SERPINB6: variants seen among roughly 807,000 people sequenced by gnomAD.
SERPINB6 encodes the protein serpin family B member 6, also known as serpin B6.
In SERPINB6, 16 loss-of-function variants were observed where a neutral mutation model predicts 26.1. The ratio of observed to expected loss-of-function variants is 0.61; its 90% confidence interval spans 0.42 to 0.93. The LOEUF (loss-of-function observed/expected upper bound fraction) is 0.93, where lower values mean the gene tolerates loss of function less well. Among genes scored for constraint, SERPINB6 ranks in the 40% least tolerant of loss-of-function variants. The pLI, the probability that SERPINB6 is intolerant of heterozygous loss-of-function variation, is 0.00. For synonymous variants in SERPINB6, 174 were observed against 176.6 expected (o/e 0.99, Z 0.11); for missense variants, 420 against 478.0 (o/e 0.88, Z 1.13).
upstream of SERPINB6, chr6:2,971,644 C>T (rs1410950224): frequency 2.6e-5 from 4 of 152,140 alleles, no homozygotes; most frequent in African/African-American, 9.7e-5. Context: ...GCTACCGTCG[C>T]CCGTCCGGAG....
chr6:2,968,388 A>C, intron 1 of SERPINB6: 1 of 682,530 alleles, frequency 1.5e-6, no homozygotes, highest in Non-Finnish European at 1.8e-6. Flanking sequence ...TAACCTGCAC[A>C]ACAACCTGCG....
intron 1 of SERPINB6, chr6:2,968,666 ATTTTATTTAGGTCTCTCT>A: frequency 5.7e-6 from 7 of 1,227,870 alleles, no homozygotes; most frequent in Non-Finnish European, 7.1e-6. Flanking sequence ...TGTTTGCTTT[ATTTTATTTAGGTCTCTCT>A]TTTGTACCTA....
chr6:2,967,036 G>A lies in SERPINB6; in HGVS notation c.-11+4497C>T. Reference sequence around the variant, plus strand: ...TTTTCTGTCAAGTACAAAACTCTTAGACTGATATCATCTGGGACTTCTCAC... The same window carrying A: ...TTTTCTGTCAAGTACAAAACTCTTAAACTGATATCATCTGGGACTTCTCAC... On this transcript the variant is annotated intron_variant, in intron 1 of 6. Coordinates refer to ENST00000380539, the MANE Select transcript of SERPINB6 (RefSeq NM_004568.6). The surrounding 1 kb of genome is among the most constrained non-coding windows in gnomAD (Gnocchi z 4.3). 1 of 985,394 alleles carries A rather than the reference G, an allele frequency of 1.0e-6. No individual in the cohort carries two copies. The highest frequency in any genetic ancestry group is 1.2e-6 in the Non-Finnish European group (1 of 829,946). The allele number at this position is 985,394 out of a possible 1,614,324, so 61.0% of individuals were successfully genotyped here.
At chr6:2,969,190 A>G in intron 1 of SERPINB6, 1 of 988,172 alleles carries the variant, frequency 1.0e-6, no homozygotes, top group Non-Finnish European at 1.2e-6. Flanking sequence ...ATCTAGTGAG[A>G]TTTTTCTATC....
rs1362744366 is a variant in SERPINB6 at position 2,953,168 on chromosome 6, A to G, written c.449T>C (p.Leu150Pro). 6.2e-7 allele frequency: 1 copy of G among 1,614,194 alleles called. No homozygotes were observed. Residue 150 changes from leucine (L) to proline (P), a missense_variant, in exon 5 of 7, where the codon CTC (leucine) becomes CCC (proline). By Grantham distance (98) the Leu-to-Pro change is moderately conservative. Coordinates refer to ENST00000380539, the MANE Select transcript of SERPINB6 (RefSeq NM_004568.6). ...EKTEGKIAEL[L>P]SPGSVDPLTR... ...CAATGGATCCACTGAGCCCGGAGAG[A>G]GCAACTCCGCAATTTTACCTGAGCG...
At chr6:2,953,252 C>G in intron 4 of SERPINB6, 66 bp from the exon 5 acceptor site, 1 of 1,606,860 alleles carries the variant, frequency 6.2e-7, no homozygotes, top group South Asian at 1.1e-5. Flanking sequence ...CATCAGGAAT[C>G]GGCTGGGGCC....
At chr6:2,968,507 GA>G in intron 1 of SERPINB6, 1 of 1,127,230 alleles carries the variant, frequency 8.9e-7, no homozygotes, top group Non-Finnish European at 1.1e-6. Context: ...GTTCTCTTCT[GA>G]CCTTATTCCC....
chr6:2,969,894 T>A, intron 1 of SERPINB6: 1 of 852,096 alleles, frequency 1.2e-6, no homozygotes, highest in Non-Finnish European at 1.4e-6. Context: ...CCCAGCACTT[T>A]GGGAGGCCAA....
At chr6:2,950,571 G>A (rs533809328) in intron 5 of SERPINB6, among the ~76,000 whole-genome samples, 17 of 147,868 alleles carry the variant, frequency 1.1e-4, no homozygotes, top group African/African-American at 4.0e-4. Flanking sequence ...AATCTCTGCT[G>A]AATAAATGAT....
At position 2,959,242 on chromosome 6, in the gene SERPINB6, G is replaced by A. The variant is rs1290636465; in HGVS notation, c.91C>T (p.Pro31Ser). ...KDNSKNVFFSPMSMSCALAMV... is the reference protein window; with the variant it reads ...KDNSKNVFFSSMSMSCALAMV... ...GCCAGGGCACAGGACATGCTCATGGGTGAGAAAAACACATTCTTCGAGTTG... is the reference window on the plus strand; with the variant it reads ...GCCAGGGCACAGGACATGCTCATGGATGAGAAAAACACATTCTTCGAGTTG... The change falls in exon 2 of 7, where the codon CCC becomes TCC. Residue 31 changes from proline (P) to serine (S), a missense_variant. Coordinates refer to ENST00000380539, the MANE Select transcript of SERPINB6 (RefSeq NM_004568.6). 6.2e-7 allele frequency: 1 copy of A among 1,614,172 alleles called. No homozygotes were observed. The highest frequency in any genetic ancestry group is 2.2e-5 in the East Asian group (1 of 44,880).
At chr6:2,966,245 A>G (rs1012621341) in intron 1 of SERPINB6, among the ~76,000 whole-genome samples, 2 of 152,180 alleles carry the variant, frequency 1.3e-5, no homozygotes, top group African/African-American at 4.8e-5. Flanking sequence ...GTGCCTTTTT[A>G]AGGCTCATCT....
Position 2,955,552 on chromosome 6 carries a change from A to G in SERPINB6, c.284T>C (p.Phe95Ser). The G allele has an allele frequency of 6.2e-7, 1 of 1,614,254 alleles. No individual in the cohort carries two copies. The highest frequency in any genetic ancestry group is 1.3e-5 in the African/African-American group (1 of 75,078). ...QYLLRMANRLFGEKSCDFLSS... is the reference protein window; with the variant it reads ...QYLLRMANRLSGEKSCDFLSS... Reference sequence around the variant, plus strand: ...GAGGAAATCACAAGACTTTTCCCCAAAGAGCCTGTTGGCCATCCTAAGCAA... The same window carrying G: ...GAGGAAATCACAAGACTTTTCCCCAGAGAGCCTGTTGGCCATCCTAAGCAA... The change falls in exon 3 of 7, where the codon TTT becomes TCT. Residue 95 changes from phenylalanine (F) to serine (S), a missense_variant. Physicochemically the swap from Phe to Ser is radical, Grantham distance 155. Coordinates refer to ENST00000380539, the MANE Select transcript of SERPINB6 (RefSeq NM_004568.6).
intron 2 of SERPINB6, chr6:2,956,074 CAAAA>C: frequency 6.4e-6 from 1 of 155,670 alleles, no homozygotes; most frequent in Non-Finnish European, 1.4e-5. Flanking sequence ...GACTCCGTCT[CAAAA>C]AAAAAAAAAG....
chr6:2,968,536 C>T (rs1046819652), intron 1 of SERPINB6: 1 of 1,168,468 alleles, frequency 8.6e-7, no homozygotes, highest in Admixed American at 4.6e-5. Context: ...CACTTTTCAT[C>T]ATGATATTTG....
intron 3 of SERPINB6, 69 bp from the exon 4 acceptor site, chr6:2,954,778 T>A (rs573842710): frequency 1.0e-6 from 1 of 983,836 alleles, no homozygotes; most frequent in Non-Finnish European, 1.6e-6. Context: ...TACTTCTTCA[T>A]TGCACCAAGT....
chr6:2,954,536 G>T, intron 4 of SERPINB6, 56 bp downstream of exon 4: 1 of 1,334,068 alleles, frequency 7.5e-7, no homozygotes, highest in Non-Finnish European at 1.1e-6. Flanking sequence ...TGAAGGAACT[G>T]ACAATAAAAT....
At chr6:2,954,448 GA>G in intron 4 of SERPINB6, 143 bp downstream of exon 4, 1 of 721,186 alleles carries the variant, frequency 1.4e-6, no homozygotes, top group Non-Finnish European at 2.5e-6. Context: ...AATGGCAACT[GA>G]TTTCAGAAGC....
At position 2,948,396 on chromosome 6, in the gene SERPINB6, A is replaced by G. The variant is rs1769352355; in HGVS notation, c.1033T>C (p.Phe345Leu). 2 of 1,614,146 alleles carry G rather than the reference A, an allele frequency of 1.2e-6. No homozygotes were observed. The highest frequency in any genetic ancestry group is 1.7e-6 in the Non-Finnish European group (2 of 1,180,008). The change falls in exon 7 of 7, where the codon TTC (phenylalanine) becomes CTC (leucine). Residue 345 changes from phenylalanine to leucine, a missense_variant. Phe to Leu is a conservative substitution (Grantham distance 22). Transcript: ENST00000380539. The surrounding 1 kb of genome is among the most constrained non-coding windows in gnomAD (Gnocchi z 5.0). ...TGGTCGGCGCAGAAGCGGGGGACGA[A>G]TCTGGCACACCGCATCATCATGATG... is the stretch of plus-strand genomic sequence containing the variant. ...AAIMMMRCAR[F>L]VPRFCADHPF...
intron 1 of SERPINB6, chr6:2,970,070 A>G (rs953823845): frequency 1.1e-4 from 110 of 984,914 alleles, no homozygotes; most frequent in Non-Finnish European, 1.3e-4. Flanking sequence ...AAAAAAAAAA[A>G]AAAAAAATTT....
Sources: gnomAD v4.1 joint callset for allele counts (sites outside exome capture counted in the v4.1 genomes callset) on GRCh38, gnomAD v4.1.1 for gene constraint, Gnocchi (gnomAD v3.1) non-coding constraint, MANE v1.5 for transcripts, NCBI Gene and HGNC (gene_info 2026-07-23, HGNC 2026-07-21) for gene names.